The following ARID5B variants were observed in gnomAD, a reference collection of about 807,000 sequenced individuals.
The protein encoded by ARID5B is AT-rich interactive domain-containing protein 5B.
In ARID5B, 13 loss-of-function variants were observed where a neutral mutation model predicts 97.2. That is an observed-to-expected ratio of 0.13 (90% CI 0.09 to 0.21). The LOEUF (loss-of-function observed/expected upper bound fraction) is 0.21, where lower values mean the gene tolerates loss of function less well. Ranked by LOEUF, ARID5B falls within the 10% of genes least tolerant of loss-of-function variation. The probability of loss-of-function intolerance (pLI) is 1.00; values close to 1 mark genes in which losing one functional copy is unlikely to be tolerated. For missense variants in ARID5B, 1,210 were observed against 1,465.3 expected (o/e 0.83, Z 2.84); for synonymous variants, 556 against 570.3 (o/e 0.97, Z 0.36).
chr10:62,070,832 A>T (rs1442580348), intron 8 of ARID5B, among the ~76,000 whole-genome samples: 2 of 152,154 alleles, frequency 1.3e-5, no homozygotes, highest in Non-Finnish European at 2.9e-5. Flanking sequence ...TTTCAATACA[A>T]CACATCAATT....
intron 4 of ARID5B, among the ~76,000 whole-genome samples, chr10:62,007,632 G>A (rs1300629724): frequency 1.3e-5 from 2 of 152,110 alleles, no homozygotes; most frequent in East Asian, 3.9e-4. Flanking sequence ...CCCTTCTTGT[G>A]CCTCTTGCAG....
intron 2 of ARID5B, among the ~76,000 whole-genome samples, chr10:61,909,229 C>T (rs1464034644): frequency 3.3e-5 from 5 of 151,998 alleles, no homozygotes; most frequent in Non-Finnish European, 7.3e-5. Context: ...TGACCCTATG[C>T]TCCCCCCACC....
At chr10:62,083,712 AAT>A (rs1301927438) in intron 8 of ARID5B, among the ~76,000 whole-genome samples, 1 of 152,216 alleles carries the variant, frequency 6.6e-6, no homozygotes, top group Non-Finnish European at 1.5e-5. Context: ...CCAACAATAA[AAT>A]ATGTTTCCAT....
chr10:61,929,560 G>A (rs1589223124), intron 2 of ARID5B, among the ~76,000 whole-genome samples: 1 of 152,154 alleles, frequency 6.6e-6, no homozygotes, highest in South Asian at 2.1e-4. Flanking sequence ...GATACATTGG[G>A]AGTTCAAAAT....
At chr10:62,016,611 A>C (rs1449842433) in intron 4 of ARID5B, among the ~76,000 whole-genome samples, 1 of 152,228 alleles carries the variant, frequency 6.6e-6, no homozygotes, top group African/African-American at 2.4e-5. Flanking sequence ...CCATAAGTCA[A>C]CCAGTCTGTT....
chr10:62,068,060 A>C (rs1840016555), intron 7 of ARID5B, among the ~76,000 whole-genome samples: 1 of 152,154 alleles, frequency 6.6e-6, no homozygotes, highest in Non-Finnish European at 1.5e-5. Context: ...TCGTGTAGGC[A>C]CTTGGAGGTA....
At chr10:61,914,388 G>C (rs960883015) in intron 2 of ARID5B, among the ~76,000 whole-genome samples, 1 of 152,180 alleles carries the variant, frequency 6.6e-6, no homozygotes, top group Non-Finnish European at 1.5e-5. Context: ...AGTTCTCTGT[G>C]CTGGGGATAT....
At chr10:61,940,016 G>A (rs1373895028) in intron 2 of ARID5B, among the ~76,000 whole-genome samples, 167 bp from the exon 3 acceptor site, 1 of 152,176 alleles carries the variant, frequency 6.6e-6, no homozygotes, top group Non-Finnish European at 1.5e-5. Context: ...AAAAACCATT[G>A]AAATGAAGTG....
chr10:61,959,136 T>C (rs1197534500), intron 3 of ARID5B, among the ~76,000 whole-genome samples: 1 of 152,246 alleles, frequency 6.6e-6, no homozygotes, highest in Non-Finnish European at 1.5e-5. Flanking sequence ...ATTAGCAATT[T>C]TAGATTGCAA....
chr10:62,051,763 C>T (rs1435027770), intron 5 of ARID5B, among the ~76,000 whole-genome samples: 1 of 152,040 alleles, frequency 6.6e-6, no homozygotes. Flanking sequence ...GTTCTGTTTA[C>T]TGCATTTAGG....
chr10:61,926,913 C>T (rs936340954), intron 2 of ARID5B, among the ~76,000 whole-genome samples: 11 of 152,248 alleles, frequency 7.2e-5, no homozygotes, highest in South Asian at 4.1e-4. Context: ...CGTGAGCCAC[C>T]GTGCCTGGCC....
intron 4 of ARID5B, among the ~76,000 whole-genome samples, chr10:62,038,517 A>T (rs1839593808): frequency 6.6e-6 from 1 of 152,190 alleles, no homozygotes; most frequent in Non-Finnish European, 1.5e-5. Context: ...TGTGAGCATG[A>T]TTTTTTTAAG....
intron 9 of ARID5B, among the ~76,000 whole-genome samples, chr10:62,089,781 G>A (rs1840344178): frequency 6.6e-6 from 1 of 152,074 alleles, no homozygotes; most frequent in Admixed American, 6.6e-5. Context: ...GCCTGCCTCG[G>A]CCTCCCTAAG....
chr10:61,960,900 G>A (rs1838461696), intron 3 of ARID5B, among the ~76,000 whole-genome samples: 1 of 152,226 alleles, frequency 6.6e-6, no homozygotes. Flanking sequence ...CCAATCTCTA[G>A]CTTTATGCCC....
chr10:61,996,667 T>C (rs1275752865), intron 3 of ARID5B, among the ~76,000 whole-genome samples: 3 of 152,182 alleles, frequency 2.0e-5, no homozygotes, highest in African/African-American at 2.4e-5. Flanking sequence ...TAGTGTTTTA[T>C]TATCAGTACT....
chr10:61,957,708 A>G (rs1180995072), intron 3 of ARID5B, among the ~76,000 whole-genome samples: 1 of 152,258 alleles, frequency 6.6e-6, no homozygotes, highest in Non-Finnish European at 1.5e-5. Flanking sequence ...GCATGTTGAA[A>G]TAATATTTTT....
chr10:62,091,791 G>A lies in ARID5B; in HGVS notation c.2328G>A (p.Glu776=). The part of the protein sequence containing the change: ...RKTINDIFKH[E]KLSRSDPHRC... ...CCATCAATGACATCTTTAAGCATGA[G>A]AAACTGAGTCGATCAGATCCCCACC... The change falls in exon 10 of 10, where the codon GAG becomes GAA. Residue 776 remains glutamate (E), a synonymous_variant. Transcript: ENST00000279873. The A allele has an allele frequency of 6.2e-7, 1 of 1,614,070 alleles. No homozygotes were observed. Among genetic ancestry groups the A allele is most frequent in the South Asian group, 1.1e-5 (1 of 91,066 alleles).
chr10:61,920,952 G>T (rs1019987533), intron 2 of ARID5B, among the ~76,000 whole-genome samples: 1 of 152,064 alleles, frequency 6.6e-6, no homozygotes, highest in Non-Finnish European at 1.5e-5. Context: ...AAATTTCTAT[G>T]GATACCCCTC....
intron 8 of ARID5B, 121 bp from the exon 9 acceptor site, chr10:62,085,581 G>A (rs1255839545): frequency 1.2e-6 from 1 of 823,324 alleles, no homozygotes; most frequent in East Asian, 2.4e-5. Flanking sequence ...GTATAGCACT[G>A]TCACTGGAGA....
Sources: gnomAD v4.1 joint callset for allele counts (sites outside exome capture counted in the v4.1 genomes callset) on GRCh38, gnomAD v4.1.1 for gene constraint, MANE v1.5 for transcripts, NCBI Gene and HGNC (gene_info 2026-07-23, HGNC 2026-07-21) for gene names.